Variants in SASH1 observed in about 807,000 individuals in gnomAD.
SASH1 encodes SAM and SH3 domain-containing protein 1.
A neutral mutation model predicts 125.2 loss-of-function variants in SASH1; 44 were observed. The ratio of observed to expected loss-of-function variants is 0.35; its 90% CI spans 0.28 to 0.45. SASH1 has a LOEUF of 0.45. Among genes scored for constraint, SASH1 ranks in the 20% least tolerant of loss-of-function variants. The pLI is 1.00. For synonymous variants in SASH1, 639 were observed against 649.1 expected (o/e 0.98, Z 0.24); for missense variants, 1,426 against 1,614.5 (o/e 0.88, Z 2.00).
chr6:148,441,168 G>A (rs1433388865), intron 4 of SASH1, among the ~76,000 whole-genome samples: 1 of 152,200 alleles, frequency 6.6e-6, no homozygotes, highest in Non-Finnish European at 1.5e-5. Flanking sequence ...CCTTTGGCAC[G>A]GAGCCACTTG....
intron 8 of SASH1, chr6:148,512,790 A>T: frequency 1.0e-6 from 1 of 985,054 alleles, no homozygotes. Flanking sequence ...TTTTAGAGAA[A>T]TTGGACATAG....
At chr6:148,404,246 A>C (rs1784286244) in intron 2 of SASH1, among the ~76,000 whole-genome samples, 1 of 152,242 alleles carries the variant, frequency 6.6e-6, no homozygotes, top group Non-Finnish European at 1.5e-5. Context: ...CCTTTATTAC[A>C]GAATGAACCT....
chr6:148,218,023 A>AT, the SASH1 span, among the ~76,000 whole-genome samples: 1 of 151,310 alleles, frequency 6.6e-6, no homozygotes, highest in South Asian at 2.1e-4. Context: ...TCAAAAAAAA[A>AT]AAAATAAATA....
chr6:148,212,757 T>A, the SASH1 span, among the ~76,000 whole-genome samples: 2 of 152,292 alleles, frequency 1.3e-5, no homozygotes, highest in Admixed American at 1.3e-4. Flanking sequence ...TCTCATTTAA[T>A]CCCCACAAGA....
intron 1 of SASH1, among the ~76,000 whole-genome samples, chr6:148,297,308 TA>T (rs1285929456): frequency 2.6e-5 from 4 of 152,166 alleles, no homozygotes; most frequent in African/African-American, 9.7e-5. Context: ...AAGAGGATGG[TA>T]AAATAGCTTA....
chr6:148,273,763 T>A (rs1021986404), intron 1 of SASH1, among the ~76,000 whole-genome samples: 8 of 152,202 alleles, frequency 5.3e-5, no homozygotes, highest in African/African-American at 1.9e-4. Flanking sequence ...GGCCTGGGCT[T>A]TGGCAAGTTG....
the SASH1 span, among the ~76,000 whole-genome samples, chr6:148,222,850 G>A: frequency 5.3e-3 from 798 of 151,734 alleles, 6 homozygotes; most frequent in Non-Finnish European, 8.5e-3. Flanking sequence ...AGTAAACAAG[G>A]GAATGGAAAC....
Position 148,316,194 on chromosome 6 carries a change from G to A in SASH1, n.74+43817G>A, listed in dbSNP as rs186152676. Among the ~76,000 whole-genome samples, 186 of 152,238 alleles carry A rather than the reference G, an allele frequency of 1.2e-3. 2 individuals are homozygous for A. The highest frequency in any genetic ancestry group is 0.011 in the Admixed American group (167 of 15,280). The stretch of plus-strand genomic sequence containing the variant: ...CAGAGTGCAATGTTTACAATTTCTT[G>A]TCAAGTTTTACCCTTATCTAGGTGT... On this transcript the variant is annotated intron_variant and non_coding_transcript_variant, in intron 1 of 3. Transcript: ENST00000367469.
At chr6:148,439,693 C>T (rs576122032) in intron 2 of SASH1, among the ~76,000 whole-genome samples, 2 of 151,994 alleles carry the variant, frequency 1.3e-5, no homozygotes, top group South Asian at 4.2e-4. Flanking sequence ...AGGAGAATCA[C>T]TTGAACCTGG....
At chr6:148,335,566 A>G (rs139528121) in intron 1 of SASH1, among the ~76,000 whole-genome samples, 1 of 152,178 alleles carries the variant, frequency 6.6e-6, no homozygotes, top group Non-Finnish European at 1.5e-5. Flanking sequence ...GGTAGTTTGA[A>G]TAAATGAATG....
At chr6:148,419,663 T>C (rs367846733) in intron 2 of SASH1, among the ~76,000 whole-genome samples, 12 of 152,314 alleles carry the variant, frequency 7.9e-5, no homozygotes, top group African/African-American at 2.9e-4. Flanking sequence ...ATCCGTTTTC[T>C]GCCCTTGGAG....
intron 2 of SASH1, among the ~76,000 whole-genome samples, chr6:148,423,596 T>C (rs1241594616): frequency 6.6e-6 from 1 of 152,222 alleles, no homozygotes; most frequent in African/African-American, 2.4e-5. Context: ...AGTCACCCAA[T>C]CTGCATACTA....
At chr6:148,306,858 A>G (rs1305050282) in intron 1 of SASH1, among the ~76,000 whole-genome samples, 1 of 152,048 alleles carries the variant, frequency 6.6e-6, no homozygotes, top group Non-Finnish European at 1.5e-5. Context: ...ATGGGAATGT[A>G]CCTCTAGGAA....
intron 1 of SASH1, among the ~76,000 whole-genome samples, chr6:148,272,541 C>G (rs905795744): frequency 6.6e-6 from 1 of 152,110 alleles, no homozygotes; most frequent in Admixed American, 6.5e-5. Context: ...ATTCCGAGGG[C>G]GCTAGGCAGT....
At chr6:148,244,377 C>A in the SASH1 span, among the ~76,000 whole-genome samples, 4 of 152,276 alleles carry the variant, frequency 2.6e-5, no homozygotes, top group East Asian at 1.9e-4. Flanking sequence ...TATTCACAGG[C>A]CTTGGTCTTT....
intron 1 of SASH1, among the ~76,000 whole-genome samples, chr6:148,279,153 G>A (rs61050012): frequency 0.041 from 6,241 of 152,066 alleles, 199 homozygotes; most frequent in East Asian, 0.17. Flanking sequence ...TGCTATGCCC[G>A]GCTAATTTTT....
At chr6:148,311,732 A>G (rs1045720902) in intron 1 of SASH1, among the ~76,000 whole-genome samples, 1 of 152,162 alleles carries the variant, frequency 6.6e-6, no homozygotes, top group Non-Finnish European at 1.5e-5. Flanking sequence ...TGAACCTGGG[A>G]CAGGGAGGTT....
At chr6:148,257,276 T>A in the SASH1 span, among the ~76,000 whole-genome samples, 1 of 152,172 alleles carries the variant, frequency 6.6e-6, no homozygotes, top group East Asian at 1.9e-4. Flanking sequence ...ATCAGATCTC[T>A]GGCACATGGT....
chr6:148,440,496 C>A, intron 4 of SASH1, 89 bp downstream of exon 4: 1 of 1,073,826 alleles, frequency 9.3e-7, no homozygotes, highest in Non-Finnish European at 1.4e-6. Flanking sequence ...CGATCATGTG[C>A]GTATGTACTA....
Sources: allele counts gnomAD v4.1 joint callset (sites outside exome capture counted in the v4.1 genomes callset), GRCh38; gene constraint gnomAD v4.1.1; transcripts MANE v1.5; gene names NCBI Gene and HGNC (gene_info 2026-07-23, HGNC 2026-07-21).